EDEM3: variants seen among roughly 807,000 people sequenced by gnomAD.
The protein encoded by EDEM3 is ER degradation enhancing alpha-mannosidase like protein 3.
A neutral mutation model predicts 110.2 loss-of-function variants in EDEM3; 60 were observed. The observed-to-expected ratio is 0.54, with a 90% confidence interval of 0.44 to 0.67. The LOEUF (loss-of-function observed/expected upper bound fraction) is 0.67. Among genes scored for constraint, EDEM3 ranks in the 30% least tolerant of loss-of-function variants. The pLI, the probability that EDEM3 is intolerant of heterozygous loss-of-function variation, is 0.00. For synonymous variants in EDEM3, 352 were observed against 382.9 expected (o/e 0.92, Z 0.94); for missense variants, 996 against 1,121.0 (o/e 0.89, Z 1.59).
chr1:184,729,369 A>G (rs1362414762), intron 6 of EDEM3, among the ~76,000 whole-genome samples: 2 of 152,188 alleles, frequency 1.3e-5, no homozygotes, highest in African/African-American at 2.4e-5. Context: ...TAAAATATGT[A>G]TAAATCATAA....
chr1:184,721,598 G>T (rs950879137), intron 8 of EDEM3, among the ~76,000 whole-genome samples: 54 of 152,022 alleles, frequency 3.6e-4, no homozygotes, highest in Middle Eastern at 3.4e-3. Flanking sequence ...TTCACTAGGT[G>T]GAAAATAAGC....
chr1:184,717,671 C>T, intron 11 of EDEM3, 48 bp from the exon 12 acceptor site: 1 of 1,414,074 alleles, frequency 7.1e-7, no homozygotes, highest in Non-Finnish European at 9.7e-7. Context: ...ATTAAATACA[C>T]AAGTAGTTCC....
At chr1:184,717,852 A>G (rs1294880974) in intron 11 of EDEM3, among the ~76,000 whole-genome samples, 3 of 152,002 alleles carry the variant, frequency 2.0e-5, no homozygotes, top group African/African-American at 4.8e-5. Flanking sequence ...TGGCTATTAG[A>G]AAACTCAGAA....
chr1:184,719,382 A>C lies in EDEM3; in HGVS notation c.1077+61T>G, dbSNP rs1048347250. The C allele has an allele frequency of 5.1e-6, 8 of 1,576,442 alleles. No individual in the cohort carries two copies. The African/African-American group carries it at 1.1e-4, about 22-fold the overall frequency. On this transcript the variant is annotated intron_variant, in intron 10 of 19. Coordinates refer to ENST00000318130, the MANE Select transcript of EDEM3 (RefSeq NM_025191.4). The stretch of plus-strand genomic sequence containing the variant: ...TTTGTAGTTCAGTTTTAAAGATCAA[A>C]AATGCGCCTAATTAACATCATCATC...
At chr1:184,705,580 G>A (rs564086417) in intron 18 of EDEM3, among the ~76,000 whole-genome samples, 1 of 152,248 alleles carries the variant, frequency 6.6e-6, no homozygotes, top group East Asian at 1.9e-4. Context: ...CATTAAACAG[G>A]ACTTCTCCTA....
intron 16 of EDEM3, among the ~76,000 whole-genome samples, chr1:184,708,718 A>G (rs2102069227): frequency 6.6e-6 from 1 of 152,366 alleles, no homozygotes; most frequent in South Asian, 2.1e-4. Context: ...ATAGTGAACA[A>G]CCAGATTCAA....
chr1:184,748,498 T>C lies in EDEM3; in HGVS notation c.204+1049A>G, dbSNP rs574577316. ...ACAAAAAAAACATTAAGGGAATGAC[T>C]GAGGTCTTGAGAAATAAATTTGAAA... On this transcript the variant is annotated intron_variant, in intron 2 of 19. Coordinates refer to ENST00000318130, the MANE Select transcript of EDEM3 (RefSeq NM_025191.4). Among the ~76,000 whole-genome samples, 158 of 151,276 alleles carry C rather than the reference T, an allele frequency of 1.0e-3. 3 individuals are homozygous for C. The highest frequency in any genetic ancestry group is 3.4e-3 in the Middle Eastern group (1 of 290).
rs904177223 is a variant in EDEM3 at position 184,692,271 on chromosome 1, C to A, written c.*1792G>T. Reference sequence around the variant, plus strand: ...ATATTATAGTTCTATCTTGTTACACCAAATCTCACATGCAGAGAGACTAAA... The same window carrying A: ...ATATTATAGTTCTATCTTGTTACACAAAATCTCACATGCAGAGAGACTAAA... On this transcript the variant is annotated 3_prime_UTR_variant, in exon 20 of 20. Transcript: ENST00000318130. 1 of 151,972 alleles carries A rather than the reference C, an allele frequency of 6.6e-6. No homozygotes were observed. Among genetic ancestry groups the A allele is most frequent in the Non-Finnish European group, 1.5e-5 (1 of 67,958 alleles). The allele number at this position is 151,972 out of a possible 1,614,324, so 9.4% of individuals were successfully genotyped here.
At position 184,692,936 on chromosome 1, in the gene EDEM3, C is replaced by G. The variant is rs555057290; in HGVS notation, c.*1127G>C. On this transcript the variant is annotated 3_prime_UTR_variant, in exon 20 of 20. Coordinates refer to ENST00000318130, the MANE Select transcript of EDEM3 (RefSeq NM_025191.4). ...ATCTGTTAAAAACAAAAACAAAAAC[C>G]ATGATTCAACAGAAAATGTGACAGA... is the stretch of plus-strand genomic sequence containing the variant. 15 of 153,688 alleles carry G rather than the reference C, an allele frequency of 9.8e-5. No homozygotes were observed. The highest frequency in any genetic ancestry group is 3.6e-4 in the African/African-American group (15 of 41,494). The allele number at this position is 153,688 out of a possible 1,614,324, so 9.5% of individuals were successfully genotyped here.
rs778654315 is a variant in EDEM3, at chr1:184,737,656, C to T, written c.260G>A (p.Arg87Lys). The change falls in exon 3 of 20, where the codon AGA becomes AAA. Residue 87 changes from arginine to lysine, a missense_variant. Coordinates refer to ENST00000318130, the MANE Select transcript of EDEM3 (RefSeq NM_025191.4). ...LMPLTCRGRVRGQEPSRGDVD... is the reference protein window; with the variant it reads ...LMPLTCRGRVKGQEPSRGDVD... ...GTCACCGCGACTTGGCTCTTGGCCT[C>T]TAACTCGACCTCTACAGGTTAAAGG... 8 of 1,613,942 alleles carry T rather than the reference C, an allele frequency of 5.0e-6. No homozygotes were observed. The Middle Eastern group carries it at 6.6e-4, about 133-fold the overall frequency.
intron 8 of EDEM3, among the ~76,000 whole-genome samples, 173 bp from the exon 9 acceptor site, chr1:184,721,559 A>G (rs1356428734): frequency 6.6e-6 from 1 of 152,074 alleles, no homozygotes; most frequent in Non-Finnish European, 1.5e-5. Context: ...TAATTTGCTA[A>G]CTAGTTCATA....
At chr1:184,732,771 C>A in intron 6 of EDEM3, 66 bp downstream of exon 6, 1 of 1,499,714 alleles carries the variant, frequency 6.7e-7, no homozygotes, top group Non-Finnish European at 9.0e-7. Context: ...GCTCTGATCA[C>A]AAAACTTCAT....
chr1:184,737,004 TC>T lies in EDEM3; in HGVS notation c.345+20del, dbSNP rs753948758. On this transcript the variant is annotated intron_variant, in intron 4 of 19. Transcript: ENST00000318130. ...GTGTGCATATCATGAATAAAATAAA[TC>T]CAAGAAGAGTCAAACCTACCACAAG... 1 of 1,600,844 alleles carries T rather than the reference TC, an allele frequency of 6.2e-7. No individual in the cohort carries two copies. Among genetic ancestry groups the T allele is most frequent in the Non-Finnish European group, 8.6e-7 (1 of 1,168,446 alleles).
At chr1:184,714,685 A>AGATC (rs1650447235) in intron 13 of EDEM3, among the ~76,000 whole-genome samples, 1 of 152,226 alleles carries the variant, frequency 6.6e-6, no homozygotes, top group Non-Finnish European at 1.5e-5. Context: ...TCTAAACTAT[A>AGATC]GATCATTGAA....
intron 16 of EDEM3, 28 bp downstream of exon 16, chr1:184,710,366 G>GT: frequency 6.2e-7 from 1 of 1,605,500 alleles, no homozygotes; most frequent in African/African-American, 1.3e-5. Context: ...GGCAGAGACG[G>GT]TATCTAATTA....
Position 184,696,055 on chromosome 1 carries a change from C to T in EDEM3, c.2390-1583G>A, listed in dbSNP as rs145490167. On this transcript the variant is annotated intron_variant, in intron 19 of 19. Coordinates refer to ENST00000318130, the MANE Select transcript of EDEM3 (RefSeq NM_025191.4). ...GGGATTCTCTCTGGAATTTTCTTATCTAAGGAAGCTTCTTTCCAAATGAAA... is the reference window on the plus strand; with the variant it reads ...GGGATTCTCTCTGGAATTTTCTTATTTAAGGAAGCTTCTTTCCAAATGAAA... 7.3e-3 allele frequency among the ~76,000 whole-genome samples: 1,105 copies of T among 151,986 alleles called. 17 individuals are homozygous for T. The highest frequency in any genetic ancestry group is 7.4e-3 in the Non-Finnish European group (503 of 67,900).
chr1:184,738,080 T>A (rs1481374038), intron 2 of EDEM3, among the ~76,000 whole-genome samples: 1 of 152,214 alleles, frequency 6.6e-6, no homozygotes, highest in Non-Finnish European at 1.5e-5. Context: ...TCATGCCATA[T>A]GCACATATTG....
chr1:184,717,054 A>G (rs2102081550), intron 12 of EDEM3, 42 bp from the exon 13 acceptor site: 1 of 1,451,334 alleles, frequency 6.9e-7, no homozygotes, highest in Non-Finnish European at 9.4e-7. Context: ...TATAGCTTAT[A>G]TATTACCACA....
At position 184,694,281 on chromosome 1, in the gene EDEM3, A is replaced by C; in HGVS notation, c.2581T>G (p.Ser861Ala). The change falls in exon 20 of 20, where the codon TCT becomes GCT. Residue 861 changes from serine to alanine, a missense_variant. Coordinates refer to ENST00000318130, the MANE Select transcript of EDEM3 (RefSeq NM_025191.4). Reference sequence around the variant, plus strand: ...TCTGTGGGATTAGAAGTCTGTTCAGAAGGGGAAATGCTTGCAGCATTGTCC... The same window carrying C: ...TCTGTGGGATTAGAAGTCTGTTCAGCAGGGGAAATGCTTGCAGCATTGTCC... ...DMDNAASISP[S>A]EQTSNPTENH... 6.2e-7 allele frequency: 1 copy of C among 1,613,376 alleles called. No individual in the cohort carries two copies. Among genetic ancestry groups the C allele is most frequent in the Non-Finnish European group, 8.5e-7 (1 of 1,179,620 alleles).
Sources: gnomAD v4.1 joint callset for allele counts (sites outside exome capture counted in the v4.1 genomes callset) on GRCh38, gnomAD v4.1.1 for gene constraint, MANE v1.5 for transcripts, NCBI Gene and HGNC (gene_info 2026-07-23, HGNC 2026-07-21) for gene names.